EPHA3: variants seen among roughly 807,000 people sequenced by gnomAD.
EPHA3 encodes EPH receptor A3.
In EPHA3, 42 loss-of-function variants were observed where a neutral mutation model predicts 107.1. The ratio of observed to expected loss-of-function variants is 0.39; its 90% CI spans 0.31 to 0.51. The LOEUF is 0.51. Ranked by LOEUF, EPHA3 falls within the 20% of genes least tolerant of loss-of-function variation. The pLI, the probability that EPHA3 is intolerant of heterozygous loss-of-function variation, is 0.78. For missense variants in EPHA3, 1,183 were observed against 1,211.2 expected, an observed-to-expected ratio of 0.98 and a Z score of 0.35; for synonymous variants, 461 against 424.8, an observed-to-expected ratio of 1.09 and a Z score of -1.05.
chr3:89,384,810 A>C (rs1412559233), intron 5 of EPHA3, among the ~76,000 whole-genome samples: 1 of 152,206 alleles, frequency 6.6e-6, no homozygotes, highest in Non-Finnish European at 1.5e-5. Flanking sequence ...ACATACACAA[A>C]TATTTAGATG....
At chr3:89,274,618 T>A (rs546734953) in intron 3 of EPHA3, among the ~76,000 whole-genome samples, 8 of 152,150 alleles carry the variant, frequency 5.3e-5, no homozygotes, top group African/African-American at 7.2e-5. Flanking sequence ...GGTTGTATCA[T>A]AATTAAAATG....
intron 2 of EPHA3, among the ~76,000 whole-genome samples, chr3:89,193,096 T>C (rs530431283): frequency 6.6e-6 from 1 of 152,194 alleles, no homozygotes; most frequent in East Asian, 1.9e-4. Context: ...TTGCATAACG[T>C]TGTAGTTTAC....
At chr3:89,187,340 TAATA>T (rs977277489) in intron 2 of EPHA3, among the ~76,000 whole-genome samples, 1 of 148,476 alleles carries the variant, frequency 6.7e-6, no homozygotes, top group Non-Finnish European at 1.5e-5. Context: ...TAATAAATAT[TAATA>T]AATAATATAC....
chr3:89,446,873 T>C (rs1709886817), intron 13 of EPHA3, among the ~76,000 whole-genome samples: 1 of 152,106 alleles, frequency 6.6e-6, no homozygotes, highest in South Asian at 2.1e-4. Context: ...CAAAGGCAGT[T>C]AGAAAAATGA....
At chr3:89,394,294 C>T (rs1220823774) in intron 5 of EPHA3, among the ~76,000 whole-genome samples, 1 of 152,148 alleles carries the variant, frequency 6.6e-6, no homozygotes, top group Non-Finnish European at 1.5e-5. Context: ...CCTGTAGTCT[C>T]AGCCAGTAGG....
At chr3:89,239,452 A>T (rs1260850223) in intron 3 of EPHA3, among the ~76,000 whole-genome samples, 10 of 152,228 alleles carry the variant, frequency 6.6e-5, no homozygotes, top group African/African-American at 2.4e-4. Context: ...ATAATAATAA[A>T]TCTTACATCT....
intron 5 of EPHA3, among the ~76,000 whole-genome samples, chr3:89,375,250 C>T (rs983055699): frequency 2.6e-5 from 4 of 151,698 alleles, no homozygotes; most frequent in Admixed American, 6.6e-5. Flanking sequence ...TATATGGTCT[C>T]GGCTGTCACC....
intron 3 of EPHA3, among the ~76,000 whole-genome samples, chr3:89,243,305 T>C (rs1002676972): frequency 1.3e-5 from 2 of 152,176 alleles, no homozygotes; most frequent in Admixed American, 6.5e-5. Flanking sequence ...GTATTTCTAG[T>C]TCTAGATCCC....
At chr3:89,467,441 T>A (rs1710307546) in intron 15 of EPHA3, among the ~76,000 whole-genome samples, 1 of 152,174 alleles carries the variant, frequency 6.6e-6, no homozygotes. Flanking sequence ...ATTCAAGAAA[T>A]GTGTATTAGT....
intron 3 of EPHA3, among the ~76,000 whole-genome samples, chr3:89,318,942 A>C (rs1706975621): frequency 6.6e-6 from 1 of 151,988 alleles, no homozygotes; most frequent in Non-Finnish European, 1.5e-5. Context: ...GTAGGCTCAA[A>C]GAATGATTGC....
At chr3:89,339,143 C>T (rs1404482239) in intron 3 of EPHA3, among the ~76,000 whole-genome samples, 3 of 151,938 alleles carry the variant, frequency 2.0e-5, no homozygotes, top group Non-Finnish European at 2.9e-5. Flanking sequence ...GAGGCCGAGG[C>T]GGGCGGATCA....
chr3:89,300,066 C>T (rs1706446402), intron 3 of EPHA3, among the ~76,000 whole-genome samples: 1 of 151,816 alleles, frequency 6.6e-6, no homozygotes, highest in African/African-American at 2.4e-5. Flanking sequence ...TAGTACTTAC[C>T]AGGACTTGAT....
intron 2 of EPHA3, among the ~76,000 whole-genome samples, chr3:89,167,646 A>G (rs1051036851): frequency 1.3e-5 from 2 of 152,136 alleles, no homozygotes; most frequent in African/African-American, 4.8e-5. Context: ...AGTTGAATAC[A>G]CTGAACTTTC....
chr3:89,292,336 A>T (rs1706231711), intron 3 of EPHA3, among the ~76,000 whole-genome samples: 1 of 152,154 alleles, frequency 6.6e-6, no homozygotes, highest in East Asian at 1.9e-4. Context: ...AGGTATTTTA[A>T]GCAATCTAGA....
chr3:89,164,372 G>T (rs1705016345), intron 2 of EPHA3, among the ~76,000 whole-genome samples: 1 of 152,230 alleles, frequency 6.6e-6, no homozygotes. Flanking sequence ...CTGGCTGTGG[G>T]TTGAACAAGC....
chr3:89,456,208 T>C (rs1049455614), intron 15 of EPHA3, among the ~76,000 whole-genome samples: 1 of 152,214 alleles, frequency 6.6e-6, no homozygotes. Context: ...TGTACCTTTC[T>C]GTCAACTCAA....
rs754637227 is a variant in EPHA3, at chr3:89,399,419, C to T, written c.1533C>T (p.Ala511=). ...CTATATACGTATTCCAAATCCGAGC[C>T]CGAACAGCCGCTGGATATGGGACGA... is the stretch of plus-strand genomic sequence containing the variant. ...PDTIYVFQIR[A]RTAAGYGTNS... is the part of the protein sequence containing the mutation. The change falls in exon 7 of 17, where the codon GCC becomes GCT. Residue 511 remains alanine (A), a synonymous_variant. Transcript: ENST00000336596. The T allele has an allele frequency of 6.8e-6, 11 of 1,614,024 alleles. 1 individual carries two copies. The South Asian group carries it at 1.2e-4, about 18-fold the overall frequency.
chr3:89,410,942 A>T (rs1295232109), intron 9 of EPHA3, among the ~76,000 whole-genome samples: 1 of 151,932 alleles, frequency 6.6e-6, no homozygotes, highest in Non-Finnish European at 1.5e-5. Flanking sequence ...ATTTATAGGA[A>T]GGATTCATGC....
At chr3:89,286,946 C>T (rs1292049211) in intron 3 of EPHA3, among the ~76,000 whole-genome samples, 1 of 152,054 alleles carries the variant, frequency 6.6e-6, no homozygotes, top group Non-Finnish European at 1.5e-5. Flanking sequence ...CCTGAAAATA[C>T]CTTATTTTTT....
Sources: allele counts gnomAD v4.1 joint callset (sites outside exome capture counted in the v4.1 genomes callset), GRCh38; gene constraint gnomAD v4.1.1; transcripts MANE v1.5; gene names NCBI Gene and HGNC (gene_info 2026-07-23, HGNC 2026-07-21).